The following CACNA1A variants were observed in gnomAD, a reference collection of about 807,000 sequenced individuals.
CACNA1A encodes calcium voltage-gated channel subunit alpha1 A.
CACNA1A carries 57 observed loss-of-function variants against 262.4 expected under a neutral mutation model. The ratio of observed to expected loss-of-function variants is 0.22; its 90% CI spans 0.18 to 0.27. The LOEUF (loss-of-function observed/expected upper bound fraction) is 0.27, where lower values mean the gene tolerates loss of function less well. Ranked by LOEUF, CACNA1A falls within the 10% of genes least tolerant of loss-of-function variation. CACNA1A has a pLI of 1.00. For synonymous variants in CACNA1A, 1,431 were observed against 1,419.3 expected, an observed-to-expected ratio of 1.01 and a Z score of -0.18; for missense variants, 2,526 against 3,562.8, an observed-to-expected ratio of 0.71 and a Z score of 7.41.
intron 1 of CACNA1A, among the ~76,000 whole-genome samples, chr19:13,497,678 G>A (rs1333924676): frequency 1.4e-5 from 2 of 147,644 alleles, no homozygotes; most frequent in East Asian, 4.0e-4. Context: ...AGGAGGTCGA[G>A]GCTATAGTGA....
chr19:13,364,888 GC>G (rs1314096963), intron 5 of CACNA1A: 2 of 153,102 alleles, frequency 1.3e-5, no homozygotes, highest in Non-Finnish European at 1.5e-5. Flanking sequence ...TGATCCACCC[GC>G]CTTGGCCCCC....
chr19:13,421,948 G>C (rs1435532429), intron 3 of CACNA1A, among the ~76,000 whole-genome samples: 1 of 152,170 alleles, frequency 6.6e-6, no homozygotes, highest in Non-Finnish European at 1.5e-5. Context: ...GTGGAAAGAA[G>C]AAGAGTATTT....
intron 3 of CACNA1A, among the ~76,000 whole-genome samples, chr19:13,428,964 C>T (rs866462496): frequency 2.6e-5 from 4 of 152,170 alleles, no homozygotes; most frequent in Middle Eastern, 3.4e-3. Context: ...GTGAATCACG[C>T]CTCAAACAGA....
intron 6 of CACNA1A, among the ~76,000 whole-genome samples, chr19:13,343,478 T>A (rs962242722): frequency 3.3e-5 from 5 of 151,970 alleles, no homozygotes; most frequent in South Asian, 2.1e-4. Context: ...ATGGATCCCA[T>A]GAGGCAGGTG....
intron 1 of CACNA1A, among the ~76,000 whole-genome samples, chr19:13,485,290 T>A (rs1979839147): frequency 1.3e-5 from 2 of 152,044 alleles, no homozygotes; most frequent in South Asian, 4.1e-4. Context: ...CTTTCAGAAA[T>A]AACATAAAAT....
rs781026181 is a variant in CACNA1A, at chr19:13,285,135, G to T, written c.3625C>A (p.Arg1209Ser). Residue 1209 changes from arginine (R) to serine (S), a missense_variant, in exon 21 of 47, where the codon CGT becomes AGT. Arg to Ser is a moderately radical substitution (Grantham distance 110). Around this residue, in one of 17 missense-constraint regions of CACNA1A, gnomAD observed 765 missense variants for 748.6 expected, o/e 1.02. Coordinates refer to ENST00000360228, the MANE Select transcript of CACNA1A (RefSeq NM_001127222.2). Reference sequence around the variant, plus strand: ...ATTGGCTTAGGGCCGTCTTCCCCACGGTCGTCTTCCTCCTCCTCCTTCTTC... The same window carrying T: ...ATTGGCTTAGGGCCGTCTTCCCCACTGTCGTCTTCCTCCTCCTCCTTCTTC... ...EEKKEEEEDD[R>S]GEDGPKPMPP... is the part of the protein sequence containing the mutation. The T allele has an allele frequency of 3.7e-6, 6 of 1,613,784 alleles. No individual in the cohort carries two copies. The Admixed American group carries it at 8.3e-5, about 22-fold the overall frequency.
chr19:13,482,414 C>G (rs1979435736), intron 1 of CACNA1A, among the ~76,000 whole-genome samples: 1 of 150,870 alleles, frequency 6.6e-6, no homozygotes, highest in African/African-American at 2.4e-5. Context: ...ACCCAGGAGG[C>G]AGAGCTTCCA....
intron 3 of CACNA1A, among the ~76,000 whole-genome samples, chr19:13,414,096 C>T (rs1242912455): frequency 3.3e-5 from 5 of 151,400 alleles, no homozygotes; most frequent in South Asian, 2.1e-4. Context: ...TGTTGGTGCC[C>T]GTCTGTAGTC....
intron 1 of CACNA1A, among the ~76,000 whole-genome samples, chr19:13,467,992 A>G (rs1436363544): frequency 6.9e-6 from 1 of 144,026 alleles, no homozygotes; most frequent in Non-Finnish European, 1.5e-5. Context: ...GTGTGTGTGT[A>G]TGTACCTTCT....
chr19:13,393,589 TC>T (rs2059750572), intron 3 of CACNA1A, among the ~76,000 whole-genome samples: 1 of 102,754 alleles, frequency 9.7e-6, no homozygotes, highest in South Asian at 4.4e-4. Flanking sequence ...TTCTTCCTCC[TC>T]CTCTTCCCTC....
intron 3 of CACNA1A, among the ~76,000 whole-genome samples, chr19:13,439,698 A>C (rs2060682045): frequency 6.6e-6 from 1 of 151,966 alleles, no homozygotes. Context: ...GGCGTGGGCC[A>C]CCGTGCCTGG....
At chr19:13,272,363 A>G (rs1215629301) in intron 24 of CACNA1A, 1 of 152,370 alleles carries the variant, frequency 6.6e-6, no homozygotes, top group Admixed American at 6.5e-5. Flanking sequence ...GAGGCTGCTG[A>G]GCAGACCTTG....
At chr19:13,392,077 G>A (rs376556272) in intron 3 of CACNA1A, among the ~76,000 whole-genome samples, 5 of 151,118 alleles carry the variant, frequency 3.3e-5, no homozygotes, top group African/African-American at 4.9e-5. Flanking sequence ...TGGGCACAAC[G>A]TTGCATGTCT....
intron 1 of CACNA1A, 66 bp from the exon 2 acceptor site, chr19:13,455,278 C>A: frequency 1.1e-6 from 1 of 897,904 alleles, no homozygotes; most frequent in Non-Finnish European, 1.9e-6. Flanking sequence ...CACCCACCCC[C>A]ACTGACCCCA....
chr19:13,289,098 T>C (rs2057474380), intron 19 of CACNA1A, among the ~76,000 whole-genome samples: 1 of 151,828 alleles, frequency 6.6e-6, no homozygotes, highest in African/African-American at 2.4e-5. Context: ...TAGAGGGACA[T>C]TTCAGAAGAC....
intron 1 of CACNA1A, among the ~76,000 whole-genome samples, chr19:13,481,823 G>A (rs1273917878): frequency 4.6e-5 from 7 of 152,098 alleles, no homozygotes; most frequent in Non-Finnish European, 1.0e-4. Context: ...CTCCAGGAAA[G>A]TGACTGCTTG....
At chr19:13,284,274 C>G (rs182191836) in intron 21 of CACNA1A, 1 of 152,174 alleles carries the variant, frequency 6.6e-6, no homozygotes, top group African/African-American at 2.4e-5. Flanking sequence ...CAGAACAGTG[C>G]CTGGCACTGA....
At chr19:13,232,687 C>T (rs376564531) in intron 34 of CACNA1A, among the ~76,000 whole-genome samples, 104 of 149,522 alleles carry the variant, frequency 7.0e-4, no homozygotes, top group African/African-American at 2.4e-3. Flanking sequence ...GCTGAGATCG[C>T]GCCACTGCAC....
chr19:13,459,486 G>A (rs1011007258), intron 1 of CACNA1A, among the ~76,000 whole-genome samples: 10 of 152,192 alleles, frequency 6.6e-5, no homozygotes, highest in South Asian at 2.1e-4. Context: ...AACAAAAGCC[G>A]GCCTTGCCGA....
Sources: gnomAD v4.1 joint callset for allele counts (sites outside exome capture counted in the v4.1 genomes callset) on GRCh38, gnomAD v4.1.1 for gene constraint, gnomAD v4.1.1 regional missense constraint, MANE v1.5 for transcripts, NCBI Gene and HGNC (gene_info 2026-07-23, HGNC 2026-07-21) for gene names.